The following ADAMTSL2 variants were observed in gnomAD, a reference collection of about 807,000 sequenced individuals.
ADAMTSL2 encodes the protein ADAMTS-like protein 2.
ADAMTSL2 carries 55 observed loss-of-function variants against 117.0 expected under a neutral mutation model. That is an observed-to-expected ratio of 0.47 (90% CI 0.38 to 0.59). ADAMTSL2 has a LOEUF of 0.59. ADAMTSL2 is among the 20% of genes least tolerant of loss of function. ADAMTSL2 has a pLI of 0.00. For synonymous variants in ADAMTSL2, 572 were observed against 566.4 expected, an observed-to-expected ratio of 1.01 and a Z score of -0.14; for missense variants, 1,182 against 1,354.5, an observed-to-expected ratio of 0.87 and a Z score of 2.00.
At chr9:133,547,352 G>A (rs533716793) in intron 9 of ADAMTSL2, 139 bp downstream of exon 9, 44 of 780,624 alleles carry the variant, frequency 5.6e-5, no homozygotes, top group Admixed American at 1.2e-4. Context: ...ACCACTCTGC[G>A]TGGGCTGGGG....
In ADAMTSL2 at chr9:133,570,349, C is replaced by A; in HGVS notation, c.2434C>A (p.Arg812Ser). The change falls in exon 17 of 19, where the codon CGC becomes AGC. Residue 812 changes from arginine (R) to serine (S), a missense_variant. Physicochemically the swap from Arg to Ser is moderately radical, Grantham distance 110. Coordinates refer to ENST00000651351, the MANE Select transcript of ADAMTSL2 (RefSeq NM_014694.4). ...GCCTCAGTGCAACACCACCTGCGGG[C>A]GCGGGGTCAAGAAGCGGCTGGTGCT... is the stretch of plus-strand genomic sequence containing the variant. ...DWERCNTTCG[R>S]GVKKRLVLCM... 1 of 1,547,796 alleles carries A rather than the reference C, an allele frequency of 6.5e-7. No individual in the cohort carries two copies. The highest frequency in any genetic ancestry group is 8.7e-7 in the Non-Finnish European group (1 of 1,147,566).
intron 13 of ADAMTSL2, among the ~76,000 whole-genome samples, chr9:133,567,990 C>A (rs370596173): frequency 1.2e-3 from 186 of 152,362 alleles, no homozygotes; most frequent in African/African-American, 4.1e-3. Context: ...GCACAGCCAC[C>A]TGTGTGACAC....
chr9:133,554,546 G>T lies in ADAMTSL2; in HGVS notation c.1129G>T (p.Glu377Ter). 1 of 1,548,852 alleles carries T rather than the reference G, an allele frequency of 6.5e-7. No individual in the cohort carries two copies. Among genetic ancestry groups the T allele is most frequent in the Non-Finnish European group, 8.7e-7 (1 of 1,147,170 alleles). Residue 377 changes from glutamate to a stop codon, truncating the protein, a stop_gained, in exon 10 of 19, where the codon GAG (glutamate) becomes TAG (stop). Coordinates refer to ENST00000651351, the MANE Select transcript of ADAMTSL2 (RefSeq NM_014694.4). LOFTEE classifies it high-confidence loss of function. This position sits in a 1 kb window ranked among gnomAD's most constrained non-coding sequence, Gnocchi z 5.2. ...CTCCCTCTACGGCCAGGCCTCCTCA[G>T]AGCGGCTGGGCCTGGACAACCGGCT... ...NGSLYGQASSERLGLDNRLFG... is the reference protein window; with the variant it reads ...NGSLYGQASS
In ADAMTSL2 at chr9:133,570,345, C is replaced by A; in HGVS notation, c.2430C>A (p.Cys810Ter). 1 of 1,546,656 alleles carries A rather than the reference C, an allele frequency of 6.5e-7. No homozygotes were observed. The highest frequency in any genetic ancestry group is 8.7e-7 in the Non-Finnish European group (1 of 1,147,276). ...CCCGGCCTCAGTGCAACACCACCTG[C>A]GGGCGCGGGGTCAAGAAGCGGCTGG... ...AQDWERCNTT[C>*]GRGVKKRLVL... Residue 810 changes from cysteine to a stop codon, truncating the protein, a stop_gained, in exon 17 of 19, where the codon TGC (cysteine) becomes TGA (stop). Transcript: ENST00000651351. LOFTEE classifies it high-confidence loss of function.
chr9:133,543,414 T>A (rs1254169903), intron 7 of ADAMTSL2, among the ~76,000 whole-genome samples: 1 of 152,248 alleles, frequency 6.6e-6, no homozygotes, highest in Non-Finnish European at 1.5e-5. Context: ...AGCTGCCCCA[T>A]TACAGTGGCT....
At position 133,573,917 on chromosome 9, in the gene ADAMTSL2, T is replaced by G; in HGVS notation, c.2667T>G (p.Gly889=). ...ACCAGGGGACCGACATCGTCCGTGG[T>G]TGCGATCCGTTGGTGAAGCCCGTTG... ...KCYQGTDIVR[G]CDPLVKPVGR... is the part of the protein sequence containing the mutation. Residue 889 remains glycine, a synonymous_variant, in exon 18 of 19, where the codon GGT becomes GGG. Coordinates refer to ENST00000651351, the MANE Select transcript of ADAMTSL2 (RefSeq NM_014694.4). The G allele has an allele frequency of 1.2e-6, 2 of 1,614,106 alleles. No individual in the cohort carries two copies. Among genetic ancestry groups the G allele is most frequent in the Non-Finnish European group, 1.7e-6 (2 of 1,180,032 alleles).
At chr9:133,539,231 G>T (rs1830133250) in intron 4 of ADAMTSL2, among the ~76,000 whole-genome samples, 1 of 152,226 alleles carries the variant, frequency 6.6e-6, no homozygotes, top group Admixed American at 6.5e-5. Flanking sequence ...GCTCCAGCAT[G>T]AGAGGGACCC....
chr9:133,555,292 C>CA (rs574528489), intron 10 of ADAMTSL2, among the ~76,000 whole-genome samples: 13 of 140,870 alleles, frequency 9.2e-5, no homozygotes, highest in Admixed American at 2.9e-4. Context: ...TCTGAGGTTC[C>CA]GGGGGGGGCC....
chr9:133,563,918 GGAGAGAGAGAGAGAGAGAGGGAGA>G (rs1830825622), intron 12 of ADAMTSL2, among the ~76,000 whole-genome samples: 6 of 1,496 alleles, frequency 4.0e-3, no homozygotes, highest in Admixed American at 7.9e-3. Context: ...AGAGAGAGAG[GGAGAGAGAGAGAGAGAGAGGGAGA>G]GAGAGAGAGA....
chr9:133,545,494 C>A (rs1830326153), intron 8 of ADAMTSL2, among the ~76,000 whole-genome samples: 1 of 152,198 alleles, frequency 6.6e-6, no homozygotes, highest in Non-Finnish European at 1.5e-5. Flanking sequence ...AAGGGCCAGC[C>A]CTCCGTATGT....
At chr9:133,563,818 GGAGAGA>G (rs1359493983) in intron 12 of ADAMTSL2, among the ~76,000 whole-genome samples, 13 of 33,508 alleles carry the variant, frequency 3.9e-4, no homozygotes, top group African/African-American at 8.9e-4. Context: ...AGAGAAAGGG[GGAGAGA>G]GAGAGAGAGA....
At chr9:133,569,180 G>A (rs920267607) in intron 15 of ADAMTSL2, among the ~76,000 whole-genome samples, 1 of 152,116 alleles carries the variant, frequency 6.6e-6, no homozygotes, top group Non-Finnish European at 1.5e-5. Flanking sequence ...CCTCTGGGTG[G>A]TGGGTGCACA....
At chr9:133,571,066 G>A (rs1339007830) in intron 17 of ADAMTSL2, among the ~76,000 whole-genome samples, 2 of 152,200 alleles carry the variant, frequency 1.3e-5, no homozygotes, top group African/African-American at 2.4e-5. Context: ...GCGTCAGGAT[G>A]TGAGGCAGGA....
intron 9 of ADAMTSL2, among the ~76,000 whole-genome samples, chr9:133,551,307 C>CG (rs1830477962): frequency 1.3e-5 from 2 of 151,562 alleles, no homozygotes. Flanking sequence ...CCCCCCCACA[C>CG]ACAGCCATAG....
chr9:133,573,544 A>G (rs1831159126), intron 17 of ADAMTSL2, among the ~76,000 whole-genome samples: 1 of 149,654 alleles, frequency 6.7e-6, no homozygotes, highest in Non-Finnish European at 1.5e-5. Context: ...CCCCCTGGGA[A>G]ATGAGAGAGG....
At chr9:133,538,691 G>A (rs982492241) in intron 4 of ADAMTSL2, among the ~76,000 whole-genome samples, 2 of 152,162 alleles carry the variant, frequency 1.3e-5, no homozygotes, top group Non-Finnish European at 2.9e-5. Flanking sequence ...AACTTCAAGT[G>A]CAGCCTCAAG....
Position 133,539,838 on chromosome 9 carries a change from A to G in ADAMTSL2, c.377A>G (p.Asn126Ser), listed in dbSNP as rs1236888979. The G allele has an allele frequency of 1.3e-6, 2 of 1,551,012 alleles. No individual in the cohort carries two copies. Among genetic ancestry groups the G allele is most frequent in the African/African-American group, 1.4e-5 (1 of 73,174 alleles). Residue 126 changes from asparagine to serine, a missense_variant, in exon 5 of 19, where the codon AAC (asparagine) becomes AGC (serine). Transcript: ENST00000651351. ...QCVSFNSHVY[N>S]GRTHQWKPLY... ...GTCTCCTTCAACTCCCACGTGTACA[A>G]CGGGCGGACGCACCAGTGGAAGCCT...
chr9:133,570,216 G>A, intron 16 of ADAMTSL2, 115 bp from the exon 17 acceptor site: 6 of 1,177,866 alleles, frequency 5.1e-6, no homozygotes, highest in Non-Finnish European at 7.2e-6. Flanking sequence ...ATGCACTGGA[G>A]CATTCTCACC....
In ADAMTSL2 at chr9:133,570,523, G is replaced by A. The variant is rs1191898269; in HGVS notation, c.2592+16G>A. On this transcript the variant is annotated intron_variant, in intron 17 of 18. Transcript: ENST00000651351. ...CTGGTCAGAGGTGAGCTCCCAGCCG[G>A]CCCCTCTGAGGTTGCCTGAGGCCAG... 2 of 1,606,460 alleles carry A rather than the reference G, an allele frequency of 1.2e-6. No individual in the cohort carries two copies. Among genetic ancestry groups the A allele is most frequent in the African/African-American group, 2.7e-5 (2 of 74,846 alleles).
Sources: gnomAD v4.1 joint callset for allele counts (sites outside exome capture counted in the v4.1 genomes callset) on GRCh38, gnomAD v4.1.1 for gene constraint, Gnocchi (gnomAD v3.1) non-coding constraint, MANE v1.5 for transcripts, NCBI Gene and HGNC (gene_info 2026-07-23, HGNC 2026-07-21) for gene names.